Variants in ZFHX3 observed in about 807,000 individuals in gnomAD.
ZFHX3 encodes zinc finger homeobox 3.
ZFHX3 carries 42 observed loss-of-function variants against 279.1 expected under a neutral mutation model. That is an observed-to-expected ratio of 0.15 (90% CI 0.12 to 0.19). ZFHX3 has a LOEUF of 0.19. ZFHX3 is among the 10% of genes least tolerant of loss of function. The pLI, the probability that ZFHX3 is intolerant of heterozygous loss-of-function variation, is 1.00. For missense variants in ZFHX3, 4,981 were observed against 4,754.0 expected (o/e 1.05, Z -1.40); for synonymous variants, 2,293 against 1,957.8 (o/e 1.17, Z -4.52).
At position 73,708,949 on chromosome 16, in the gene ZFHX3, C is replaced by T. The variant is rs1047948910; in HGVS notation, c.-1607-28709G>A. 5.3e-5 allele frequency among the ~76,000 whole-genome samples: 8 copies of T among 152,094 alleles called. No homozygotes were observed. In the South Asian group the frequency reaches 1.0e-3, roughly 20 times the overall value. On this transcript the variant is annotated intron_variant, in intron 1 of 17. Coordinates refer to the ZFHX3 transcript ENST00000641206. ...CCCATGATACGTATTTATCTTCCCT[C>T]GTTGATGAGGTGCCTGGGGAGGGAA...
intron 2 of ZFHX3, among the ~76,000 whole-genome samples, chr16:73,645,896 G>T (rs1400843508): frequency 6.6e-6 from 1 of 152,140 alleles, no homozygotes; most frequent in Non-Finnish European, 1.5e-5. Context: ...ACTGTACAGG[G>T]ACGACCATAT....
At chr16:73,093,571 T>G (rs754472944) in exon 8 of ZFHX3, 6 of 513,396 alleles carry the variant, frequency 1.2e-5, no homozygotes, top group South Asian at 8.6e-5. Flanking sequence ...CTCGGCCTTG[T>G]CTTCATCTTG....
At chr16:73,440,764 T>C (rs891861985) in intron 3 of ZFHX3, among the ~76,000 whole-genome samples, 10 of 152,154 alleles carry the variant, frequency 6.6e-5, no homozygotes, top group Non-Finnish European at 1.5e-4. Context: ...AATCCATCAG[T>C]CTCTCAAAAT....
chr16:73,720,965 C>T (rs1243017515), intron 1 of ZFHX3, among the ~76,000 whole-genome samples: 3 of 152,148 alleles, frequency 2.0e-5, no homozygotes, highest in African/African-American at 7.2e-5. Context: ...TGTAAAGTGA[C>T]AGCCTAGGGG....
At chr16:73,323,406 A>T (rs1167385888) in intron 3 of ZFHX3, among the ~76,000 whole-genome samples, 1 of 152,222 alleles carries the variant, frequency 6.6e-6, no homozygotes. Flanking sequence ...TCCTGAAGCC[A>T]AGGGAAAAGT....
chr16:73,526,105 G>C (rs1216207005), intron 2 of ZFHX3, among the ~76,000 whole-genome samples: 1 of 152,220 alleles, frequency 6.6e-6, no homozygotes, highest in Non-Finnish European at 1.5e-5. Context: ...ATCCATTCTT[G>C]GCCAGGAAAA....
At chr16:73,331,044 A>G (rs1391931154) in intron 3 of ZFHX3, among the ~76,000 whole-genome samples, 1 of 152,124 alleles carries the variant, frequency 6.6e-6, no homozygotes, top group Non-Finnish European at 1.5e-5. Flanking sequence ...GGTAATTTAT[A>G]AAGGAAAGAG....
intron 2 of ZFHX3, among the ~76,000 whole-genome samples, chr16:73,669,213 C>G (rs2052877239): frequency 6.6e-6 from 1 of 152,096 alleles, no homozygotes; most frequent in African/African-American, 2.4e-5. Context: ...GCCACTACGC[C>G]CTGCTAATTT....
chr16:73,484,503 T>A (rs920078617), intron 2 of ZFHX3, among the ~76,000 whole-genome samples: 7 of 152,120 alleles, frequency 4.6e-5, no homozygotes, highest in African/African-American at 1.7e-4. Context: ...CACCGGCATA[T>A]CAGATGACGC....
At chr16:73,874,265 G>A (rs1227121051) in intron 1 of ZFHX3, among the ~76,000 whole-genome samples, 1 of 152,070 alleles carries the variant, frequency 6.6e-6, no homozygotes, top group East Asian at 1.9e-4. Flanking sequence ...AAAATTTATT[G>A]CACTGTGAAA....
At chr16:72,881,132 G>T (rs987298908) in intron 4 of ZFHX3, among the ~76,000 whole-genome samples, 3 of 152,212 alleles carry the variant, frequency 2.0e-5, no homozygotes, top group Admixed American at 2.0e-4. Context: ...GCTGAGCATG[G>T]TCCAACAGAA....
chr16:73,832,725 A>G (rs1400899492), intron 1 of ZFHX3, among the ~76,000 whole-genome samples: 1 of 152,116 alleles, frequency 6.6e-6, no homozygotes, highest in Non-Finnish European at 1.5e-5. Context: ...AAAGCCTTTT[A>G]AAGGTTTTAT....
intron 2 of ZFHX3, among the ~76,000 whole-genome samples, chr16:73,572,097 A>G (rs1051662314): frequency 6.6e-6 from 1 of 151,868 alleles, no homozygotes; most frequent in African/African-American, 2.4e-5. Context: ...TGAGGAGAAT[A>G]ATTCCCTAAT....
chr16:73,396,026 C>T (rs1014321984), intron 3 of ZFHX3, among the ~76,000 whole-genome samples: 13 of 152,216 alleles, frequency 8.5e-5, no homozygotes, highest in African/African-American at 3.1e-4. Flanking sequence ...ATTCCATAAT[C>T]ATCACCCTAC....
intron 2 of ZFHX3, among the ~76,000 whole-genome samples, chr16:73,498,045 T>C (rs1296353322): frequency 6.6e-6 from 1 of 152,226 alleles, no homozygotes; most frequent in Non-Finnish European, 1.5e-5. Flanking sequence ...ATCTGTGCAA[T>C]ATTAACAATG....
intron 4 of ZFHX3, among the ~76,000 whole-genome samples, chr16:72,880,363 T>C (rs1349118392): frequency 1.3e-5 from 2 of 152,036 alleles, no homozygotes; most frequent in African/African-American, 4.8e-5. Flanking sequence ...GACAGGACTT[T>C]TAAGGAGGTG....
At chr16:73,225,012 T>C (rs2012548379) in intron 5 of ZFHX3, among the ~76,000 whole-genome samples, 5 of 152,178 alleles carry the variant, frequency 3.3e-5, no homozygotes, top group Admixed American at 2.6e-4. Context: ...TTTCTTGCAA[T>C]AGACTCACAC....
At chr16:73,063,037 G>T (rs1712837424), upstream of ZFHX3, among the ~76,000 whole-genome samples, 2 of 152,208 alleles carry the variant, frequency 1.3e-5, no homozygotes, top group South Asian at 4.1e-4. Context: ...CAGCGCTCCG[G>T]GCCAGCCGGC....
chr16:73,705,980 G>C (rs1275267412), intron 1 of ZFHX3, among the ~76,000 whole-genome samples: 2 of 152,014 alleles, frequency 1.3e-5, no homozygotes, highest in Non-Finnish European at 2.9e-5. Context: ...ACAGCTTCTC[G>C]TGTCCTCTGC....
Sources: gnomAD v4.1 joint callset for allele counts (sites outside exome capture counted in the v4.1 genomes callset) on GRCh38, gnomAD v4.1.1 for gene constraint, MANE v1.5 for transcripts, NCBI Gene and HGNC (gene_info 2026-07-23, HGNC 2026-07-21) for gene names.